The following GALNT1 variants were observed in gnomAD, a reference collection of about 807,000 sequenced individuals.
GALNT1 encodes GalNAc transferase 1.
A neutral mutation model predicts 65.7 loss-of-function variants in GALNT1; 17 were observed. The ratio of observed to expected loss-of-function variants is 0.26; its 90% CI spans 0.18 to 0.39. The LOEUF (loss-of-function observed/expected upper bound fraction) is 0.39. Ranked by LOEUF, GALNT1 falls within the 10% of genes least tolerant of loss-of-function variation. GALNT1 has a pLI of 1.00. For synonymous variants in GALNT1, 210 were observed against 219.7 expected, an observed-to-expected ratio of 0.96 and a Z score of 0.39; for missense variants, 460 against 672.8, an observed-to-expected ratio of 0.68 and a Z score of 3.50.
chr18:35,590,796 A>T (rs2046434357), intron 1 of GALNT1, among the ~76,000 whole-genome samples: 2 of 152,130 alleles, frequency 1.3e-5, no homozygotes, highest in African/African-American at 2.4e-5. Context: ...CTGTAAAAAA[A>T]GGTAGGAAGG....
At chr18:35,592,966 G>T (rs1266410504) in intron 1 of GALNT1, among the ~76,000 whole-genome samples, 1 of 152,190 alleles carries the variant, frequency 6.6e-6, no homozygotes, top group African/African-American at 2.4e-5. Flanking sequence ...ATCAGTAAAT[G>T]TTGAATAAAT....
chr18:35,616,745 G>C (rs925910114), intron 1 of GALNT1, among the ~76,000 whole-genome samples: 73 of 151,984 alleles, frequency 4.8e-4, no homozygotes, highest in African/African-American at 1.7e-3. Context: ...AGTTAGCATC[G>C]TCTCAGACTC....
chr18:35,596,124 G>A (rs1377652424), intron 1 of GALNT1: 2 of 152,142 alleles, frequency 1.3e-5, no homozygotes, highest in African/African-American at 4.8e-5. Context: ...TTATGTTGGA[G>A]AAGAACAAAG....
At chr18:35,670,318 GTAAGGTTGAAGGTTT>G (rs1368169566) in intron 3 of GALNT1, among the ~76,000 whole-genome samples, 8 of 152,094 alleles carry the variant, frequency 5.3e-5, no homozygotes, top group African/African-American at 1.4e-4. Flanking sequence ...AAAATATTCA[GTAAGGTTGAAGGTTT>G]TAAGGTCTAT....
intron 9 of GALNT1, among the ~76,000 whole-genome samples, chr18:35,695,249 G>A (rs2048035983): frequency 6.7e-6 from 1 of 148,300 alleles, no homozygotes; most frequent in South Asian, 2.2e-4. Flanking sequence ...GGTGAAATCT[G>A]TACACAAGTA....
Position 35,683,310 on chromosome 18 carries a change from A to C in GALNT1, c.482-81A>C, listed in dbSNP as rs540619126. 2.1e-4 allele frequency: 229 copies of C among 1,113,892 alleles called. 1 individual carries two copies. In the South Asian group the frequency reaches 3.2e-3, roughly 15 times the overall value. 69.0% of individuals were successfully genotyped at this position (1,113,892 alleles called of 1,614,324 possible). ...GTGTTCAGTAAGGGTATGTTGAATA[A>C]ATTTTCCAAATCAAAATTACTTTCA... is the stretch of plus-strand genomic sequence containing the variant. On this transcript the variant is annotated intron_variant, in intron 4 of 11. Transcript: ENST00000269195.
At chr18:35,672,549 G>T (rs2047651683) in intron 3 of GALNT1, among the ~76,000 whole-genome samples, 1 of 152,080 alleles carries the variant, frequency 6.6e-6, no homozygotes, top group Non-Finnish European at 1.5e-5. Context: ...GGGCTTAACT[G>T]GTGTGTAGCT....
intron 1 of GALNT1, among the ~76,000 whole-genome samples, chr18:35,642,712 C>A (rs1256896076): frequency 6.7e-6 from 1 of 149,004 alleles, no homozygotes; most frequent in African/African-American, 2.5e-5. Flanking sequence ...AGTGGAAGCT[C>A]ATCAGCAGAC....
chr18:35,632,681 A>G (rs2144211681), intron 1 of GALNT1, among the ~76,000 whole-genome samples: 1 of 152,336 alleles, frequency 6.6e-6, no homozygotes, highest in African/African-American at 2.4e-5. Context: ...AATGGCAACA[A>G]AAGACAAAAT....
At chr18:35,630,928 C>G (rs904367224) in intron 1 of GALNT1, among the ~76,000 whole-genome samples, 7 of 152,204 alleles carry the variant, frequency 4.6e-5, no homozygotes, top group Non-Finnish European at 1.0e-4. Context: ...ATAAACACCT[C>G]TACACAAATA....
intron 1 of GALNT1, among the ~76,000 whole-genome samples, chr18:35,625,966 C>CA (rs2144148317): frequency 6.6e-6 from 1 of 152,248 alleles, no homozygotes; most frequent in African/African-American, 2.4e-5. Flanking sequence ...GAACACACCC[C>CA]TTTACTCCTG....
chr18:35,707,593 C>T (rs1030255418), intron 11 of GALNT1, among the ~76,000 whole-genome samples: 1 of 152,230 alleles, frequency 6.6e-6, no homozygotes. Context: ...TAGTTAAATA[C>T]TCAGCACAGA....
chr18:35,698,208 C>T (rs1401499158), intron 9 of GALNT1, among the ~76,000 whole-genome samples: 1 of 152,166 alleles, frequency 6.6e-6, no homozygotes, highest in African/African-American at 2.4e-5. Flanking sequence ...TGACTCACAC[C>T]TGTAATGGCA....
At chr18:35,628,516 A>G (rs1028550318) in intron 1 of GALNT1, among the ~76,000 whole-genome samples, 2 of 152,236 alleles carry the variant, frequency 1.3e-5, no homozygotes. Context: ...CCTGACTGTT[A>G]GAAGGAAAAC....
intron 11 of GALNT1, among the ~76,000 whole-genome samples, chr18:35,705,582 T>G (rs757844431): frequency 1.8e-4 from 27 of 152,212 alleles, no homozygotes; most frequent in Non-Finnish European, 3.2e-4. Flanking sequence ...GACTGCCCCA[T>G]GCATTGCAGG....
At chr18:35,648,742 A>G (rs58563539) in intron 1 of GALNT1, among the ~76,000 whole-genome samples, 14,497 of 152,104 alleles carry the variant, frequency 0.095, 833 homozygotes, top group African/African-American at 0.17. Flanking sequence ...TTTTAAGTTG[A>G]TTGAGATTGA....
chr18:35,628,797 G>A lies in GALNT1; in HGVS notation c.-103-25763G>A, dbSNP rs187848280. The stretch of plus-strand genomic sequence containing the variant: ...CTAAAGGAGGAAGTTCGAACCCAAC[G>A]CAAAGAAGTTAAAAACCTTGAAAAA... On this transcript the variant is annotated intron_variant, in intron 1 of 11. Coordinates refer to ENST00000269195, the MANE Select transcript of GALNT1 (RefSeq NM_020474.4). Among the ~76,000 whole-genome samples, 16 of 152,270 alleles carry A rather than the reference G, an allele frequency of 1.1e-4. No homozygotes were observed. The East Asian group carries it at 2.1e-3, about 20-fold the overall frequency.
chr18:35,706,587 C>G (rs1368380191), intron 11 of GALNT1, among the ~76,000 whole-genome samples: 1 of 152,090 alleles, frequency 6.6e-6, no homozygotes, highest in Non-Finnish European at 1.5e-5. Flanking sequence ...AGGTTTTTTC[C>G]TGCTGAGATA....
chr18:35,587,857 T>A (rs903382463), intron 1 of GALNT1, among the ~76,000 whole-genome samples: 7 of 152,364 alleles, frequency 4.6e-5, no homozygotes, highest in African/African-American at 1.4e-4. Flanking sequence ...TTATTTCCAT[T>A]CAATTCAATG....
Sources: gnomAD v4.1 joint callset for allele counts (sites outside exome capture counted in the v4.1 genomes callset) on GRCh38, gnomAD v4.1.1 for gene constraint, MANE v1.5 for transcripts, NCBI Gene and HGNC (gene_info 2026-07-23, HGNC 2026-07-21) for gene names.